The following ATP1A3 variants were observed in gnomAD, a reference collection of about 807,000 sequenced individuals.
The protein encoded by ATP1A3 is sodium/potassium-transporting ATPase subunit alpha-3.
ATP1A3 carries 12 observed loss-of-function variants against 108.8 expected under a neutral mutation model. The observed-to-expected ratio is 0.11, with a 90% CI of 0.07 to 0.18. The LOEUF is 0.18. Ranked by LOEUF, ATP1A3 falls within the 10% of genes least tolerant of loss-of-function variation. ATP1A3 has a pLI of 1.00. For synonymous variants in ATP1A3, 539 were observed against 564.5 expected (o/e 0.95, Z 0.64); for missense variants, 498 against 1,387.7 (o/e 0.36, Z 10.19).
At chr19:41,989,405 G>A (rs1296721880) in intron 1 of ATP1A3, among the ~76,000 whole-genome samples, 1 of 141,650 alleles carries the variant, frequency 7.1e-6, no homozygotes, top group Non-Finnish European at 1.5e-5. Flanking sequence ...TGCAAGCTCC[G>A]CCTCCCAGGT....
chr19:41,979,192 G>A (rs556185503), intron 11 of ATP1A3, among the ~76,000 whole-genome samples: 3 of 151,362 alleles, frequency 2.0e-5, no homozygotes, highest in South Asian at 2.1e-4. Flanking sequence ...TAGTAGAGAC[G>A]GGATTTTGCC....
At chr19:41,971,809 G>A (rs782563859) in intron 16 of ATP1A3, among the ~76,000 whole-genome samples, 2 of 152,106 alleles carry the variant, frequency 1.3e-5, no homozygotes, top group Non-Finnish European at 2.9e-5. Flanking sequence ...GGGGTCTGGT[G>A]GTTGCATGGC....
Position 41,978,322 on chromosome 19 carries a change from G to C in ATP1A3, c.1635C>G (p.Phe545Leu). 1 of 1,599,014 alleles carries C rather than the reference G, an allele frequency of 6.3e-7. No homozygotes were observed. Among genetic ancestry groups the C allele is most frequent in the Admixed American group, 1.8e-5 (1 of 56,104 alleles). ...LGGLGERVLG[F>L]CHYYLPEEQF... The stretch of plus-strand genomic sequence containing the variant: ...GCTCCTCGGGCAGGTAATAATGGCA[G>C]AAACCTAGTGGCAGGGAAGGGTTGG... Residue 545 changes from phenylalanine (F) to leucine (L), a missense_variant, in exon 13 of 23, where the codon TTC (phenylalanine) becomes TTG (leucine). Physicochemically the swap from Phe to Leu is conservative, Grantham distance 22. Coordinates refer to ENST00000648268, the MANE Select transcript of ATP1A3 (RefSeq NM_152296.5). The surrounding 1 kb of genome is among the most constrained non-coding windows in gnomAD (Gnocchi z 8.3).
At chr19:41,980,686 C>A (rs1177752564) in intron 11 of ATP1A3, among the ~76,000 whole-genome samples, 3 of 151,996 alleles carry the variant, frequency 2.0e-5, no homozygotes, top group Admixed American at 1.3e-4. Flanking sequence ...CTGAGGCGGG[C>A]AGATCACGAG....
intron 11 of ATP1A3, among the ~76,000 whole-genome samples, chr19:41,980,756 A>C (rs1304372994): frequency 6.6e-6 from 1 of 151,896 alleles, no homozygotes; most frequent in Non-Finnish European, 1.5e-5. Flanking sequence ...CTAAAAATAC[A>C]AAAAATTAGC....
chr19:41,985,903 C>T lies in ATP1A3; in HGVS notation c.567G>A (p.Val189=). 6.2e-7 allele frequency: 1 copy of T among 1,613,942 alleles called. No individual in the cohort carries two copies. The change falls in exon 6 of 23, where the codon GTG becomes GTA. Residue 189 remains valine (V), a synonymous_variant. Coordinates refer to ENST00000648268, the MANE Select transcript of ATP1A3 (RefSeq NM_152296.5). The surrounding 1 kb of genome is among the most constrained non-coding windows in gnomAD (Gnocchi z 8.2). ...DLVEIKGGDR[V]PADLRIISAH... The stretch of plus-strand genomic sequence containing the variant: ...CTGAGATGATCCGCAGGTCAGCTGG[C>T]ACTCGGTCTCCACCCTTGATCTCCA...
At position 41,988,093 on chromosome 19, in the gene ATP1A3, G is replaced by C. The variant is rs2075303051; in HGVS notation, c.200C>G (p.Pro67Arg). The C allele has an allele frequency of 6.2e-7, 1 of 1,614,030 alleles. No homozygotes were observed. The highest frequency in any genetic ancestry group is 1.3e-5 in the African/African-American group (1 of 74,912). ...GGTAGGCGGTGGCGTGAGTGCGTTA[G>C]GCCCATCCCGGGCCAGGATCTCCTG... ...KAQEILARDG[P>R]NALTPPPTTP... is the part of the protein sequence containing the mutation. Residue 67 changes from proline to arginine, a missense_variant, in exon 4 of 23, where the codon CCT becomes CGT. By Grantham distance (103) the Pro-to-Arg change is moderately radical. Coordinates refer to ENST00000648268, the MANE Select transcript of ATP1A3 (RefSeq NM_152296.5). This position sits in a 1 kb window ranked among gnomAD's most constrained non-coding sequence, Gnocchi z 5.3.
At chr19:41,973,131 G>A (rs2075131427) in intron 16 of ATP1A3, among the ~76,000 whole-genome samples, 1 of 152,218 alleles carries the variant, frequency 6.6e-6, no homozygotes. Context: ...TGTTCCAGGT[G>A]GTGGGGAAGA....
rs1555868219 is a variant in ATP1A3 at position 41,994,055 on chromosome 19, C to CCGGCTCAGCACCTACCCCCATCTTGG, written c.-5_6+15dup. The CCGGCTCAGCACCTACCCCCATCTTGG allele has an allele frequency of 3.7e-6, 6 of 1,609,326 alleles. No homozygotes were observed. Among genetic ancestry groups the CCGGCTCAGCACCTACCCCCATCTTGG allele is most frequent in the Non-Finnish European group, 5.1e-6 (6 of 1,178,170 alleles). On this transcript the variant is annotated intron_variant, in intron 1 of 22. Transcript: ENST00000648268. ...AATGTCACACGGAAGCGGCGCCCAG[C>CCGGCTCAGCACCTACCCCCATCTTGG]CGGCTCAGCACCTACCCCCATCTTG...
At position 41,967,901 on chromosome 19, in the gene ATP1A3, G is replaced by T; in HGVS notation, c.2820-138C>A. On this transcript the variant is annotated intron_variant, in intron 20 of 22. Coordinates refer to ENST00000648268, the MANE Select transcript of ATP1A3 (RefSeq NM_152296.5). This position sits in a 1 kb window ranked among gnomAD's most constrained non-coding sequence, Gnocchi z 4.2. Reference sequence around the variant, plus strand: ...CAGAGACAGAGAGGCAGAGACATAGGGAGAGACAGAGATGGGGAGACATGC... The same window carrying T: ...CAGAGACAGAGAGGCAGAGACATAGTGAGAGACAGAGATGGGGAGACATGC... 1.3e-6 allele frequency: 1 copy of T among 762,482 alleles called. No homozygotes were observed. 47.2% of individuals were successfully genotyped at this position (762,482 alleles called of 1,614,324 possible). A position where few individuals can be genotyped will look rare whatever the true frequency, so the allele number is the denominator to read the frequency against.
chr19:41,978,138 C>T lies in ATP1A3; in HGVS notation c.1806+13G>A, dbSNP rs1555862068. On this transcript the variant is annotated intron_variant, in intron 13 of 22. Coordinates refer to ENST00000648268, the MANE Select transcript of ATP1A3 (RefSeq NM_152296.5). This position sits in a 1 kb window ranked among gnomAD's most constrained non-coding sequence, Gnocchi z 8.3. ...CGCCTGGCTTTGCCTCCCCCAGCCA[C>T]CCCAAGCCACACCTTGATGCCTGCG... 21 of 1,614,230 alleles carry T rather than the reference C, an allele frequency of 1.3e-5. No homozygotes were observed. The East Asian group carries it at 4.2e-4, about 33-fold the overall frequency.
chr19:41,988,781 G>A lies in ATP1A3; in HGVS notation c.7-219C>T, dbSNP rs1360219922. On this transcript the variant is annotated intron_variant, in intron 1 of 22. Coordinates refer to ENST00000648268, the MANE Select transcript of ATP1A3 (RefSeq NM_152296.5). This position sits in a 1 kb window ranked among gnomAD's most constrained non-coding sequence, Gnocchi z 5.3. ...CTGCCTCTGGTGACTCTCAGGCCTC[G>A]TGAGTCTCATCTGCTGCAATCAGCT... Among the ~76,000 whole-genome samples the A allele has an allele frequency of 3.9e-5, 6 of 151,968 alleles. No individual in the cohort carries two copies. The highest frequency in any genetic ancestry group is 1.5e-4 in the African/African-American group (6 of 41,336).
At position 41,969,086 on chromosome 19, in the gene ATP1A3, C is replaced by G. The variant is rs192186784; in HGVS notation, c.2689-171G>C. The stretch of plus-strand genomic sequence containing the variant: ...TAGTCCCGAGGGAGGAGTCAGGAGA[C>G]GTACAAGGAAGAAGAAAGGTTAATG... On this transcript the variant is annotated intron_variant, in intron 19 of 22. Transcript: ENST00000648268. 7.2e-5 allele frequency among the ~76,000 whole-genome samples: 11 copies of G among 152,198 alleles called. 1 individual carries two copies. Among genetic ancestry groups the G allele is most frequent in the Admixed American group, 7.2e-4 (11 of 15,282 alleles).
In ATP1A3 at chr19:41,972,804, G is replaced by GGGAAGGAAGGAAGGAAGGAA. The variant is rs782125486; in HGVS notation, c.2264-2282_2264-2263dup. Among the ~76,000 whole-genome samples, 31 of 74,908 alleles carry GGGAAGGAAGGAAGGAAGGAA rather than the reference G, an allele frequency of 4.1e-4. 1 individual carries two copies. The highest frequency in any genetic ancestry group is 5.5e-4 in the South Asian group (1 of 1,814). The allele number at this position is 74,908 out of a possible 152,430, so 49.1% of individuals were successfully genotyped here. On this transcript the variant is annotated intron_variant, in intron 16 of 22. Transcript: ENST00000648268. ...GGGGAGGGGGAAGGAAGGAAGGAAG[G>GGGAAGGAAGGAAGGAAGGAA]GGAAGGAAGGAAGGAAGGAAGGAAG...
At chr19:41,983,597 T>A (rs1418505244) in intron 8 of ATP1A3, among the ~76,000 whole-genome samples, 20 of 145,260 alleles carry the variant, frequency 1.4e-4, no homozygotes, top group South Asian at 1.3e-3. Context: ...TTATTATTAT[T>A]ATAATAATTA....
intron 8 of ATP1A3, 175 bp downstream of exon 8, chr19:41,984,743 T>C (rs2145977304): frequency 1.5e-6 from 1 of 688,626 alleles, no homozygotes; most frequent in Non-Finnish European, 2.3e-6. Flanking sequence ...CCCCAGCCCC[T>C]TCTCCGGACC....
At chr19:41,972,618 A>C (rs2145953233) in intron 16 of ATP1A3, among the ~76,000 whole-genome samples, 1 of 151,962 alleles carries the variant, frequency 6.6e-6, no homozygotes, top group South Asian at 2.1e-4. Context: ...ACAAAAAATT[A>C]GCTGGGAGTG....
At chr19:41,972,797 A>G (rs2075123514) in intron 16 of ATP1A3, among the ~76,000 whole-genome samples, 1 of 136,862 alleles carries the variant, frequency 7.3e-6, no homozygotes, top group Admixed American at 7.7e-5. Flanking sequence ...GGAAGGAAGG[A>G]AGGAAGGGGA....
rs1555862136 is a variant in ATP1A3, at chr19:41,978,252, T to C, written c.1705A>G (p.Thr569Ala). The C allele has an allele frequency of 1.2e-6, 2 of 1,613,934 alleles. No homozygotes were observed. Among genetic ancestry groups the C allele is most frequent in the Admixed American group, 3.3e-5 (2 of 59,950 alleles). ...FAFDCDDVNF[T>A]TDNLCFVGLM... ...CCCACAAAGCAGAGGTTGTCCGTGGTGAAGTTCACGTCATCACAGTCGAAG... is the reference window on the plus strand; with the variant it reads ...CCCACAAAGCAGAGGTTGTCCGTGGCGAAGTTCACGTCATCACAGTCGAAG... The change falls in exon 13 of 23, where the codon ACC (threonine) becomes GCC (alanine). Residue 569 changes from threonine (T) to alanine (A), a missense_variant. By Grantham distance (58) the Thr-to-Ala change is moderately conservative. This residue lies in a region of ATP1A3 where 92 missense variants were observed against 168.7 expected (regional missense o/e 0.55). Coordinates refer to ENST00000648268, the MANE Select transcript of ATP1A3 (RefSeq NM_152296.5). This position sits in a 1 kb window ranked among gnomAD's most constrained non-coding sequence, Gnocchi z 8.3.
Sources: gnomAD v4.1 joint callset for allele counts (sites outside exome capture counted in the v4.1 genomes callset) on GRCh38, gnomAD v4.1.1 for gene constraint, gnomAD v4.1.1 regional missense constraint, Gnocchi (gnomAD v3.1) non-coding constraint, MANE v1.5 for transcripts, NCBI Gene and HGNC (gene_info 2026-07-23, HGNC 2026-07-21) for gene names.